RAET1E: variants seen among roughly 807,000 people sequenced by gnomAD.
The protein encoded by RAET1E is retinoic acid early transcript 1E.
A neutral mutation model predicts 21.1 loss-of-function variants in RAET1E; 27 were observed. That is an observed-to-expected ratio of 1.28 (90% confidence interval 0.94 to 1.76). The LOEUF (loss-of-function observed/expected upper bound fraction) is 1.76. Among genes scored for constraint, RAET1E ranks in the 40% most tolerant of loss-of-function variants. RAET1E has a pLI of 0.00. For missense variants in RAET1E, 310 were observed against 311.3 expected, an observed-to-expected ratio of 1.00 and a Z score of 0.03; for synonymous variants, 113 against 115.0, an observed-to-expected ratio of 0.98 and a Z score of 0.11.
rs777272313 is a variant in RAET1E at position 149,890,001 on chromosome 6, A to C, written c.230T>G (p.Leu77Arg). 70 of 1,614,026 alleles carry C rather than the reference A, an allele frequency of 4.3e-5. No homozygotes were observed. Among genetic ancestry groups the C allele is most frequent in the Non-Finnish European group, 5.9e-6 (7 of 1,180,040 alleles). Residue 77 changes from leucine (L) to arginine (R), a missense_variant, in exon 4 of 6, where the codon CTG (leucine) becomes CGG (arginine). By Grantham distance (102) the Leu-to-Arg change is moderately radical. Coordinates refer to ENST00000357183, the MANE Select transcript of RAET1E (RefSeq NM_001394057.1). ...GCTGGTGGCATATACCTTCTTCCCC[A>C]GGAGGCCCAGAGGTTTGACCATGTT... The part of the protein sequence containing the change: ...DNNMVKPLGL[L>R]GKKVYATSTW...
In RAET1E at chr6:149,884,942, A is replaced by G. The variant is rs552222772; in HGVS notation, c.*3556T>C. Among the ~76,000 whole-genome samples the G allele has an allele frequency of 5.3e-5, 8 of 152,200 alleles. No individual in the cohort carries two copies. In the South Asian group the frequency reaches 1.7e-3, roughly 32 times the overall value. On this transcript the variant is annotated 3_prime_UTR_variant, in exon 6 of 6. Coordinates refer to ENST00000357183, the MANE Select transcript of RAET1E (RefSeq NM_001394057.1). Reference sequence around the variant, plus strand: ...CTTCTAGTCCTTGCTGTCCTCACAGAGTGTCTAGGGTTCACTTTCAGCCTT... The same window carrying G: ...CTTCTAGTCCTTGCTGTCCTCACAGGGTGTCTAGGGTTCACTTTCAGCCTT...
chr6:149,891,723 C>CAAA (rs199607586), intron 2 of RAET1E, among the ~76,000 whole-genome samples: 1 of 151,894 alleles, frequency 6.6e-6, no homozygotes, highest in Admixed American at 6.6e-5. Context: ...TCCATCTCTA[C>CAAA]AAAAAAAAAT....
At position 149,891,018 on chromosome 6, in the gene RAET1E, A is replaced by G; in HGVS notation, c.-117T>C. On this transcript the variant is annotated 5_prime_UTR_variant, in exon 3 of 6. Coordinates refer to ENST00000357183, the MANE Select transcript of RAET1E (RefSeq NM_001394057.1). The stretch of plus-strand genomic sequence containing the variant: ...GCACTGCCCAAATTCTTTACCCTGG[A>G]ACAACTGAGGTCAGGCCTGTAGAGA... 1 of 726,322 alleles carries G rather than the reference A, an allele frequency of 1.4e-6. No homozygotes were observed. Among genetic ancestry groups the G allele is most frequent in the Non-Finnish European group, 2.5e-6 (1 of 406,860 alleles). The allele number at this position is 726,322 out of a possible 1,614,324, so 45.0% of individuals were successfully genotyped here.
chr6:149,888,390 G>T lies in RAET1E; in HGVS notation c.*108C>A. On this transcript the variant is annotated 3_prime_UTR_variant, in exon 6 of 6. Coordinates refer to ENST00000357183, the MANE Select transcript of RAET1E (RefSeq NM_001394057.1). ...TGTGCTGCCAGCCCTGCTGTGTAGTGTGGGGGCTCAAGACTAAGGCAGTGC... is the reference window on the plus strand; with the variant it reads ...TGTGCTGCCAGCCCTGCTGTGTAGTTTGGGGGCTCAAGACTAAGGCAGTGC... 7.5e-7 allele frequency: 1 copy of T among 1,334,104 alleles called. No individual in the cohort carries two copies. Among genetic ancestry groups the T allele is most frequent in the Non-Finnish European group, 1.0e-6 (1 of 953,930 alleles). The allele number at this position is 1,334,104 out of a possible 1,614,324, so 82.6% of individuals were successfully genotyped here. A position where few individuals can be genotyped will look rare whatever the true frequency, so the allele number is the denominator to read the frequency against.
intron 5 of RAET1E, among the ~76,000 whole-genome samples, 176 bp from the exon 6 acceptor site, chr6:149,888,843 G>T (rs1260268880): frequency 6.6e-6 from 1 of 152,186 alleles, no homozygotes; most frequent in African/African-American, 2.4e-5. Context: ...ATGAATAGGG[G>T]TTGTGCCTTG....
intron 1 of RAET1E, chr6:149,896,290 A>G (rs1256234793): frequency 6.6e-6 from 1 of 152,242 alleles, no homozygotes; most frequent in African/African-American, 2.4e-5. Context: ...AACAGACTTC[A>G]AAGAAAGTAA....
At position 149,883,321 on chromosome 6, in the gene RAET1E, G is replaced by T. The variant is rs1777476441; in HGVS notation, c.*5177C>A. 1 of 150,224 alleles carries T rather than the reference G, an allele frequency of 6.7e-6. No homozygotes were observed. The highest frequency in any genetic ancestry group is 1.9e-4 in the East Asian group (1 of 5,132). The allele number at this position is 150,224 out of a possible 1,614,324, so 9.3% of individuals were successfully genotyped here. ...ATTTATTTAGAAACATGTTTGGTGTGTCTATTTTAAAGTAAAATTAAAAAA... is the reference window on the plus strand; with the variant it reads ...ATTTATTTAGAAACATGTTTGGTGTTTCTATTTTAAAGTAAAATTAAAAAA... On this transcript the variant is annotated 3_prime_UTR_variant, in exon 6 of 6. Coordinates refer to ENST00000357183, the MANE Select transcript of RAET1E (RefSeq NM_001394057.1).
chr6:149,897,318 A>G (rs537455442), intron 1 of RAET1E, among the ~76,000 whole-genome samples: 10 of 152,306 alleles, frequency 6.6e-5, no homozygotes, highest in Non-Finnish European at 1.2e-4. Flanking sequence ...TACAGGAGTG[A>G]GCCACCACAC....
chr6:149,894,042 G>A (rs1311419004), intron 2 of RAET1E, among the ~76,000 whole-genome samples: 2 of 152,170 alleles, frequency 1.3e-5, no homozygotes, highest in African/African-American at 4.8e-5. Flanking sequence ...TTGCATCCCA[G>A]GTATGAAGCC....
rs909403412 is a variant in RAET1E at position 149,886,481 on chromosome 6, G to T, written c.*2017C>A. 6.6e-6 allele frequency among the ~76,000 whole-genome samples: 1 copy of T among 152,292 alleles called. No individual in the cohort carries two copies. Among genetic ancestry groups the T allele is most frequent in the East Asian group, 1.9e-4 (1 of 5,182 alleles). On this transcript the variant is annotated 3_prime_UTR_variant, in exon 6 of 6. Coordinates refer to ENST00000357183, the MANE Select transcript of RAET1E (RefSeq NM_001394057.1). Reference sequence around the variant, plus strand: ...GCAATATCAGCTCACTGCAAACTCCGCCTCCTGAGTTCAAGCGATTCTCCT... The same window carrying T: ...GCAATATCAGCTCACTGCAAACTCCTCCTCCTGAGTTCAAGCGATTCTCCT...
At position 149,888,347 on chromosome 6, in the gene RAET1E, C is replaced by G. The variant is rs950512182; in HGVS notation, c.*151G>C. 1 of 927,544 alleles carries G rather than the reference C, an allele frequency of 1.1e-6. No homozygotes were observed. The highest frequency in any genetic ancestry group is 2.6e-5 in the East Asian group (1 of 38,612). The allele number at this position is 927,544 out of a possible 1,614,324, so 57.5% of individuals were successfully genotyped here. A position where few individuals can be genotyped will look rare whatever the true frequency, so the allele number is the denominator to read the frequency against. On this transcript the variant is annotated 3_prime_UTR_variant, in exon 6 of 6. Transcript: ENST00000357183. ...CTCGAGAGGAGATGATTGCTTCATC[C>G]CTCCTCTCACTGCACATTGTGCTGC... is the stretch of plus-strand genomic sequence containing the variant.
Position 149,884,440 on chromosome 6 carries a change from C to A in RAET1E, c.*4058G>T, listed in dbSNP as rs181374260. ...CAGCAGTGGGAGCCAAGGCTGTCAG[C>A]GATCGAGGACCACAGGTGAACAACT... On this transcript the variant is annotated 3_prime_UTR_variant, in exon 6 of 6. Transcript: ENST00000357183. 2,199 of 1,525,114 alleles carry A rather than the reference C, an allele frequency of 1.4e-3. 6 individuals are homozygous for A. Among genetic ancestry groups the A allele is most frequent in the Non-Finnish European group, 1.9e-3 (2,130 of 1,137,196 alleles). The allele number at this position is 1,525,114 out of a possible 1,614,324, so 94.5% of individuals were successfully genotyped here. A position where few individuals can be genotyped will look rare whatever the true frequency, so the allele number is the denominator to read the frequency against.
intron 2 of RAET1E, among the ~76,000 whole-genome samples, chr6:149,894,837 T>C (rs535217374): frequency 7.9e-5 from 12 of 152,284 alleles, no homozygotes; most frequent in African/African-American, 2.2e-4. Context: ...GTTGTGATCA[T>C]TTGGAGGAGG....
Position 149,888,669 on chromosome 6 carries a change from TAAAAAAAAA to T in RAET1E, c.623-11_623-3del, listed in dbSNP as rs3036672. 13 of 1,339,040 alleles carry T rather than the reference TAAAAAAAAA, an allele frequency of 9.7e-6. No individual in the cohort carries two copies. The highest frequency in any genetic ancestry group is 1.2e-5 in the Non-Finnish European group (13 of 1,053,696). The allele number at this position is 1,339,040 out of a possible 1,614,324, so 82.9% of individuals were successfully genotyped here. On this transcript the variant is annotated splice_polypyrimidine_tract_variant and splice_region_variant and intron_variant, in intron 5 of 5. Transcript: ENST00000357183. ...TATCTGAAGCATTTACTGGTGACAC[TAAAAAAAAA>T]AAAAAAAAGAAAAAAAAGCACAAGC... is the stretch of plus-strand genomic sequence containing the variant.
rs1198810011 is a variant in RAET1E at position 149,886,228 on chromosome 6, T to G, written c.*2270A>C. Among the ~76,000 whole-genome samples the G allele has an allele frequency of 1.3e-5, 2 of 152,216 alleles. No individual in the cohort carries two copies. Among genetic ancestry groups the G allele is most frequent in the Non-Finnish European group, 2.9e-5 (2 of 68,040 alleles). ...ATTTCAAAATACTTTCTAGTTTTCC[T>G]TGTACTTTTTAATTTGATATATAGT... On this transcript the variant is annotated 3_prime_UTR_variant, in exon 6 of 6. Coordinates refer to ENST00000357183, the MANE Select transcript of RAET1E (RefSeq NM_001394057.1).
chr6:149,887,991 C>A lies in RAET1E; in HGVS notation c.*507G>T, dbSNP rs959235133. 6.6e-6 allele frequency among the ~76,000 whole-genome samples: 1 copy of A among 152,088 alleles called. No homozygotes were observed. The highest frequency in any genetic ancestry group is 1.5e-5 in the Non-Finnish European group (1 of 68,036). ...CCGAGGCGGGAGCATCACCTGAGGT[C>A]GGGAGTTCAAGACGAGCCTGACCAA... is the stretch of plus-strand genomic sequence containing the variant. On this transcript the variant is annotated 3_prime_UTR_variant, in exon 6 of 6. Transcript: ENST00000357183.
chr6:149,889,610 C>T lies in RAET1E; in HGVS notation c.360G>A (p.Leu120=). 4 of 1,614,148 alleles carry T rather than the reference C, an allele frequency of 2.5e-6. No homozygotes were observed. The highest frequency in any genetic ancestry group is 2.7e-5 in the African/African-American group (2 of 75,046). ...PQIKTSDPST[L]QVEMFCQREA... ...CACGTTGACAAAACATCTCGACTTGCAGAGTGGAAGGATCTGCAATCCAAA... is the reference window on the plus strand; with the variant it reads ...CACGTTGACAAAACATCTCGACTTGTAGAGTGGAAGGATCTGCAATCCAAA... The change falls in exon 5 of 6, where the codon CTG becomes CTA. Residue 120 remains leucine (L), a synonymous_variant. Coordinates refer to ENST00000357183, the MANE Select transcript of RAET1E (RefSeq NM_001394057.1).
Position 149,888,132 on chromosome 6 carries a change from C to T in RAET1E, c.*366G>A, listed in dbSNP as rs1777689248. The T allele has an allele frequency of 1.9e-6, 1 of 519,998 alleles. No individual in the cohort carries two copies. Among genetic ancestry groups the T allele is most frequent in the Non-Finnish European group, 3.7e-6 (1 of 266,854 alleles). 32.2% of individuals were successfully genotyped at this position (519,998 alleles called of 1,614,324 possible). A position where few individuals can be genotyped will look rare whatever the true frequency, so the allele number is the denominator to read the frequency against. ...CTTGTATGTTATCTGGGAGTAAATGCTGCAGCCACAAGCGCCACCAGCAAG... is the reference window on the plus strand; with the variant it reads ...CTTGTATGTTATCTGGGAGTAAATGTTGCAGCCACAAGCGCCACCAGCAAG... On this transcript the variant is annotated 3_prime_UTR_variant, in exon 6 of 6. Coordinates refer to ENST00000357183, the MANE Select transcript of RAET1E (RefSeq NM_001394057.1).
chr6:149,890,713 C>G, intron 3 of RAET1E, 104 bp downstream of exon 3: 1 of 765,346 alleles, frequency 1.3e-6, no homozygotes, highest in Non-Finnish European at 2.3e-6. Context: ...TCCTTAAGAG[C>G]AGGCACCCAC....
Sources: allele counts gnomAD v4.1 joint callset (sites outside exome capture counted in the v4.1 genomes callset), GRCh38; gene constraint gnomAD v4.1.1; transcripts MANE v1.5; gene names NCBI Gene and HGNC (gene_info 2026-07-23, HGNC 2026-07-21).